The following RNF207 variants were observed in gnomAD, a reference collection of about 807,000 sequenced individuals.
RNF207 encodes ring finger protein 207, also known as OTTHUMG00000001089.
In RNF207, 72 loss-of-function variants were observed where a neutral mutation model predicts 79.0. The observed-to-expected ratio is 0.91, with a 90% CI of 0.75 to 1.11. The LOEUF is 1.11. Among genes scored for constraint, RNF207 ranks in the 50% least tolerant of loss-of-function variants. The probability of loss-of-function intolerance (pLI) is 0.00; values close to 1 mark genes in which losing one functional copy is unlikely to be tolerated. For missense variants in RNF207, 936 were observed against 855.8 expected, an observed-to-expected ratio of 1.09 and a Z score of -1.17; for synonymous variants, 348 against 366.2, an observed-to-expected ratio of 0.95 and a Z score of 0.57.
At chr1:6,212,081 G>GTT in intron 13 of RNF207, 28 bp downstream of exon 13, 1 of 1,578,092 alleles carries the variant, frequency 6.3e-7, no homozygotes, top group Non-Finnish European at 8.6e-7. Context: ...TGCCGGAGGG[G>GTT]GGAGATGTCC....
In RNF207 at chr1:6,207,546, G is replaced by C; in HGVS notation, c.324+35G>C. 6.4e-7 allele frequency: 1 copy of C among 1,573,614 alleles called. No homozygotes were observed. The highest frequency in any genetic ancestry group is 8.6e-7 in the Non-Finnish European group (1 of 1,162,752). On this transcript the variant is annotated intron_variant, in intron 3 of 17. Coordinates refer to ENST00000377939, the MANE Select transcript of RNF207 (RefSeq NM_207396.3). This position sits in a 1 kb window ranked among gnomAD's most constrained non-coding sequence, Gnocchi z 4.5. ...GCAGGGCGGGTGGGTGAGGAGCAGA[G>C]GGTACCCGGTTGCACAGTCCCCAAT...
intron 16 of RNF207, 65 bp from the exon 17 acceptor site, chr1:6,218,224 G>A: frequency 1.8e-6 from 2 of 1,130,334 alleles, no homozygotes; most frequent in African/African-American, 1.5e-5. Context: ...TGAGGTTTCT[G>A]AGCTTAAGGC....
At chr1:6,212,115 G>T in intron 13 of RNF207, 62 bp downstream of exon 13, 1 of 1,546,820 alleles carries the variant, frequency 6.5e-7, no homozygotes, top group Non-Finnish European at 8.8e-7. Context: ...ACCAAGGTAC[G>T]CTCAGGGAAA....
chr1:6,217,901 G>C lies in RNF207; in HGVS notation c.1653-388G>C, dbSNP rs568746240. ...TTCAGTTCCCCAAAAAAGCTAGACTGGTCCCACTTCTGGGCCTCTGCCTGG... is the reference window on the plus strand; with the variant it reads ...TTCAGTTCCCCAAAAAAGCTAGACTCGTCCCACTTCTGGGCCTCTGCCTGG... On this transcript the variant is annotated intron_variant, in intron 16 of 17. Coordinates refer to ENST00000377939, the MANE Select transcript of RNF207 (RefSeq NM_207396.3). The surrounding 1 kb of genome is among the most constrained non-coding windows in gnomAD (Gnocchi z 4.2). Among the ~76,000 whole-genome samples, 1 of 152,344 alleles carries C rather than the reference G, an allele frequency of 6.6e-6. No individual in the cohort carries two copies. The highest frequency in any genetic ancestry group is 1.5e-5 in the Non-Finnish European group (1 of 68,040).
chr1:6,212,429 A>G lies in RNF207; in HGVS notation c.1482+13A>G, dbSNP rs1443941479. ...CGTCTTCCAGGAGGTAGCCCTCCCA[A>G]GGACTCTAACTCCAGCCCCACCTGT... On this transcript the variant is annotated intron_variant, in intron 14 of 17. Coordinates refer to ENST00000377939, the MANE Select transcript of RNF207 (RefSeq NM_207396.3). 4.4e-6 allele frequency: 7 copies of G among 1,599,116 alleles called. No homozygotes were observed. In the South Asian group the frequency reaches 5.7e-5, roughly 13 times the overall value.
intron 8 of RNF207, 99 bp from the exon 9 acceptor site, chr1:6,210,124 G>C (rs1668098639): frequency 7.6e-7 from 1 of 1,316,044 alleles, no homozygotes; most frequent in South Asian, 1.3e-5. Flanking sequence ...GCAGAGAAGG[G>C]GTTCAGGGAC....
chr1:6,207,406 C>A lies in RNF207; in HGVS notation c.219C>A (p.Ser73Arg), dbSNP rs747626099. The stretch of plus-strand genomic sequence containing the variant: ...ACCAGACGGTGCTGAAGGGTCCCAG[C>A]GGGCTCCCGCCGGTGGACCGGCTGC... ...CQHQTVLKGP[S>R]GLPPVDRLLQ... Residue 73 changes from serine (S) to arginine (R), a missense_variant, in exon 3 of 18, where the codon AGC (serine) becomes AGA (arginine). Ser to Arg is a moderately radical substitution (Grantham distance 110). Transcript: ENST00000377939. This position sits in a 1 kb window ranked among gnomAD's most constrained non-coding sequence, Gnocchi z 4.5. 2.6e-6 allele frequency: 4 copies of A among 1,545,416 alleles called. No individual in the cohort carries two copies. The highest frequency in any genetic ancestry group is 4.5e-5 in the East Asian group (2 of 44,146).
At chr1:6,210,004 CCCCTTGG>C in intron 8 of RNF207, 34 bp downstream of exon 8, 1 of 1,550,762 alleles carries the variant, frequency 6.4e-7, no homozygotes, top group South Asian at 1.2e-5. Flanking sequence ...GCTTCCCTTA[CCCCTTGG>C]CCTCCATGGC....
In RNF207 at chr1:6,221,083, CAGAA is replaced by C. The variant is rs890385666; in HGVS notation, c.*1682_*1685del. 2.6e-4 allele frequency: 40 copies of C among 152,378 alleles called. No homozygotes were observed. The highest frequency in any genetic ancestry group is 8.9e-4 in the African/African-American group (37 of 41,548). The allele number at this position is 152,378 out of a possible 1,614,324, so 9.4% of individuals were successfully genotyped here. A position where few individuals can be genotyped will look rare whatever the true frequency, so the allele number is the denominator to read the frequency against. On this transcript the variant is annotated 3_prime_UTR_variant, in exon 18 of 18. Coordinates refer to ENST00000377939, the MANE Select transcript of RNF207 (RefSeq NM_207396.3). ...TTACAACTGGTTAGAGGTAGGAATT[CAGAA>C]AGAAATTGAGGAGGCCAAACACACG...
Position 6,219,114 on chromosome 1 carries a change from T to C in RNF207, c.1734-122T>C, listed in dbSNP as rs1202718724. The C allele has an allele frequency of 3.8e-6, 3 of 790,096 alleles. No homozygotes were observed. The Admixed American group carries it at 7.4e-5, about 19-fold the overall frequency. The allele number at this position is 790,096 out of a possible 1,614,324, so 48.9% of individuals were successfully genotyped here. On this transcript the variant is annotated intron_variant, in intron 17 of 17. Transcript: ENST00000377939. ...TTTGGAGACAGAGCCTTCCTGGTTC[T>C]CACTCACTGAGGCCTTCCAGGAAGA... is the stretch of plus-strand genomic sequence containing the variant.
In RNF207 at chr1:6,207,424, CCGGCTGCTG is replaced by C; in HGVS notation, c.239_247del (p.Arg80_Leu82del). 1.3e-6 allele frequency: 2 copies of C among 1,553,330 alleles called. No individual in the cohort carries two copies. Among genetic ancestry groups the C allele is most frequent in the Non-Finnish European group, 8.7e-7 (1 of 1,147,416 alleles). Reference sequence around the variant, plus strand: ...GTCCCAGCGGGCTCCCGCCGGTGGACCGGCTGCTGCAGTTCCTGGTGGACAGCTCAGGGG... The same window carrying C: ...GTCCCAGCGGGCTCCCGCCGGTGGACCAGTTCCTGGTGGACAGCTCAGGGG... On this transcript the variant is annotated inframe_deletion, in exon 3 of 18. Transcript: ENST00000377939. The surrounding 1 kb of genome is among the most constrained non-coding windows in gnomAD (Gnocchi z 4.5).
rs555422962 is a variant in RNF207 at position 6,207,220 on chromosome 1, G to T, written c.192-159G>T. On this transcript the variant is annotated intron_variant, in intron 2 of 17. Coordinates refer to ENST00000377939, the MANE Select transcript of RNF207 (RefSeq NM_207396.3). This position sits in a 1 kb window ranked among gnomAD's most constrained non-coding sequence, Gnocchi z 4.5. ...TGGGCAAGGGTAGGGACCAGGGCAG[G>T]GTGAGTGCTGGCTGTGATATTTATA... is the stretch of plus-strand genomic sequence containing the variant. Among the ~76,000 whole-genome samples the T allele has an allele frequency of 3.9e-5, 6 of 152,202 alleles. No individual in the cohort carries two copies. The highest frequency in any genetic ancestry group is 1.4e-4 in the African/African-American group (6 of 41,450).
In RNF207 at chr1:6,207,277, C is replaced by G. The variant is rs760668949; in HGVS notation, c.192-102C>G. The G allele has an allele frequency of 2.6e-5, 33 of 1,258,384 alleles. No individual in the cohort carries two copies. The highest frequency in any genetic ancestry group is 3.5e-5 in the Non-Finnish European group (32 of 921,628). The allele number at this position is 1,258,384 out of a possible 1,614,324, so 78.0% of individuals were successfully genotyped here. ...CCCAGAGCTGTGGTGCACCCCACCT[C>G]CCAACACAGCTATTTTTAGCTCCAG... On this transcript the variant is annotated intron_variant, in intron 2 of 17. Coordinates refer to ENST00000377939, the MANE Select transcript of RNF207 (RefSeq NM_207396.3). This position sits in a 1 kb window ranked among gnomAD's most constrained non-coding sequence, Gnocchi z 4.5.
chr1:6,211,839 C>T lies in RNF207; in HGVS notation c.1110-28C>T, dbSNP rs372206283. On this transcript the variant is annotated intron_variant, in intron 12 of 17. Coordinates refer to ENST00000377939, the MANE Select transcript of RNF207 (RefSeq NM_207396.3). The surrounding 1 kb of genome is among the most constrained non-coding windows in gnomAD (Gnocchi z 4.2). ...GGGGAGGGGCAGACTTCCCCACCCC[C>T]CTGCATCCACACTGGCTCTCTCCCC... 1 of 1,530,412 alleles carries T rather than the reference C, an allele frequency of 6.5e-7. No individual in the cohort carries two copies. The highest frequency in any genetic ancestry group is 2.5e-5 in the East Asian group (1 of 40,706). 94.8% of individuals were successfully genotyped at this position (1,530,412 alleles called of 1,614,324 possible).
rs201178060 is a variant in RNF207 at position 6,210,447 on chromosome 1, C to T, written c.942+9C>T. On this transcript the variant is annotated intron_variant, in intron 10 of 17. Coordinates refer to ENST00000377939, the MANE Select transcript of RNF207 (RefSeq NM_207396.3). ...TCCTGGACCTGGGCTATGTGAGTCT[C>T]CTCTGCTCCTGCAGATGCCCCCTCC... 6.4e-4 allele frequency: 1,028 copies of T among 1,610,326 alleles called. No individual in the cohort carries two copies. The highest frequency in any genetic ancestry group is 8.0e-4 in the Non-Finnish European group (937 of 1,177,960).
chr1:6,207,914 G>A lies in RNF207; in HGVS notation c.324+403G>A, dbSNP rs1465581202. Reference sequence around the variant, plus strand: ...GTGGGGACAGCATGCTGTTCCCTCTGGGCTGTAAAAGGCACAGGGGACTCT... The same window carrying A: ...GTGGGGACAGCATGCTGTTCCCTCTAGGCTGTAAAAGGCACAGGGGACTCT... On this transcript the variant is annotated intron_variant, in intron 3 of 17. Transcript: ENST00000377939. This position sits in a 1 kb window ranked among gnomAD's most constrained non-coding sequence, Gnocchi z 4.5. The A allele has an allele frequency of 2.2e-5, 8 of 367,860 alleles. No homozygotes were observed. Among genetic ancestry groups the A allele is most frequent in the South Asian group, 1.5e-4 (7 of 46,986 alleles). The allele number at this position is 367,860 out of a possible 1,614,324, so 22.8% of individuals were successfully genotyped here.
chr1:6,210,470 TC>T (rs778483208), intron 10 of RNF207, 32 bp downstream of exon 10: 3 of 1,568,152 alleles, frequency 1.9e-6, no homozygotes, highest in Non-Finnish European at 2.6e-6. Context: ...AGATGCCCCC[TC>T]CCCACCAGGA....
At chr1:6,216,562 C>G (rs181166179) in intron 16 of RNF207, among the ~76,000 whole-genome samples, 1 of 139,906 alleles carries the variant, frequency 7.1e-6, no homozygotes, top group Non-Finnish European at 1.6e-5. Flanking sequence ...CCATATTCAT[C>G]TTTTTTTTTT....
rs539676321 is a variant in RNF207 at position 6,214,549 on chromosome 1, C to T, written c.1652+1366C>T. On this transcript the variant is annotated intron_variant, in intron 16 of 17. Coordinates refer to ENST00000377939, the MANE Select transcript of RNF207 (RefSeq NM_207396.3). ...TCCCAAGTAGCTGGGATTACAGGTG[C>T]GTGCCAACACGCCTGGCTAATTTTT... Among the ~76,000 whole-genome samples the T allele has an allele frequency of 3.1e-4, 44 of 144,060 alleles. No homozygotes were observed. The South Asian group carries it at 9.7e-3, about 32-fold the overall frequency. 94.5% of individuals were successfully genotyped at this position (144,060 alleles called of 152,430 possible).
Sources: allele counts gnomAD v4.1 joint callset (sites outside exome capture counted in the v4.1 genomes callset), GRCh38; gene constraint gnomAD v4.1.1; non-coding constraint Gnocchi (gnomAD v3.1); transcripts MANE v1.5; gene names NCBI Gene and HGNC (gene_info 2026-07-23, HGNC 2026-07-21).